ZDHHC15: variants seen among roughly 807,000 people sequenced by gnomAD.
ZDHHC15 encodes zDHHC palmitoyltransferase 15.
A neutral mutation model predicts 31.7 loss-of-function variants in ZDHHC15; 19 were observed. That is an observed-to-expected ratio of 0.60 (90% CI 0.42 to 0.88). ZDHHC15 has a LOEUF of 0.88. Among genes scored for constraint, ZDHHC15 ranks in the 40% least tolerant of loss-of-function variants. The pLI is 0.00. For missense variants in ZDHHC15, 209 were observed against 251.2 expected, an observed-to-expected ratio of 0.83 and a Z score of 1.14; for synonymous variants, 103 against 90.0, an observed-to-expected ratio of 1.14 and a Z score of -0.82.
chrX:75,504,403 G>A (rs759781142), intron 2 of ZDHHC15, among the ~76,000 whole-genome samples: 7 of 111,643 alleles, frequency 6.3e-5, no homozygotes, highest in Non-Finnish European at 9.4e-5. Context: ...ACATAGAATT[G>A]TGAAAATATA....
chrX:75,493,572 A>G (rs2084936978), intron 2 of ZDHHC15, among the ~76,000 whole-genome samples: 1 of 111,896 alleles, frequency 8.9e-6, no homozygotes, highest in South Asian at 3.7e-4. Context: ...CACATCAAAA[A>G]GCTTATCCAC....
chrX:75,424,881 G>A (rs1435504325), intron 7 of ZDHHC15, 97 bp from the exon 8 acceptor site: 5 of 891,691 alleles, frequency 5.6e-6, no homozygotes, highest in Non-Finnish European at 7.4e-6. Flanking sequence ...TGTATAAAGT[G>A]TCTAGCTGTA....
chrX:75,424,058 A>G (rs2147851535), intron 8 of ZDHHC15, among the ~76,000 whole-genome samples: 1 of 111,625 alleles, frequency 9.0e-6, no homozygotes, highest in South Asian at 3.8e-4. Flanking sequence ...TAACTGACAG[A>G]AAATATGTTC....
At position 75,450,710 on chromosome X, in the gene ZDHHC15, GA is replaced by G. The variant is rs755225120; in HGVS notation, c.379+91del. ...CATAGTGGTTTTCAGAAGATGGGAG[GA>G]AAAAAAAGGGCTAGTTTGAGAACAT... is the stretch of plus-strand genomic sequence containing the variant. On this transcript the variant is annotated intron_variant, in intron 4 of 11. Transcript: ENST00000373367. The G allele has an allele frequency of 1.7e-5, 20 of 1,199,750 alleles. No homozygotes were observed. The South Asian group carries it at 2.0e-4, about 12-fold the overall frequency.
chrX:75,423,054 C>T lies in ZDHHC15; in HGVS notation c.737-1064G>A, dbSNP rs746032342. On this transcript the variant is annotated intron_variant, in intron 8 of 11. Transcript: ENST00000373367. ...TAGATACAGGGTCTTATTCTGTCAC[C>T]CAGGCTGGAGTACAGTGGCACAATC... Among the ~76,000 whole-genome samples the T allele has an allele frequency of 6.9e-5, 7 of 101,762 alleles. No homozygotes were observed. The East Asian group carries it at 2.3e-3, about 33-fold the overall frequency. 88.4% of individuals were successfully genotyped at this position (101,762 alleles called of 115,157 possible). A position where few individuals can be genotyped will look rare whatever the true frequency, so the allele number is the denominator to read the frequency against.
In ZDHHC15 at chrX:75,465,953, T is replaced by C. The variant is rs754539268; in HGVS notation, c.258+12938A>G. Among the ~76,000 whole-genome samples, 21 of 111,806 alleles carry C rather than the reference T, an allele frequency of 1.9e-4. No homozygotes were observed. The South Asian group carries it at 7.5e-3, about 40-fold the overall frequency. On this transcript the variant is annotated intron_variant, in intron 3 of 11. Coordinates refer to ENST00000373367, the MANE Select transcript of ZDHHC15 (RefSeq NM_144969.3). ...CAAAAGAAAAAATTGACAAATGGGA[T>C]GTAATTAAAGAGTTCCTGCACAGCA...
intron 4 of ZDHHC15, among the ~76,000 whole-genome samples, chrX:75,447,628 T>A (rs887037876): frequency 1.8e-5 from 2 of 111,692 alleles, no homozygotes; most frequent in African/African-American, 3.3e-5. Context: ...TGATGCTGAT[T>A]CTCTGATAGT....
At chrX:75,515,141 G>C (rs781450218) in intron 1 of ZDHHC15, among the ~76,000 whole-genome samples, 1 of 111,215 alleles carries the variant, frequency 9.0e-6, no homozygotes, top group South Asian at 3.9e-4. Context: ...AATTCTACCA[G>C]AGGTACAAAG....
chrX:75,381,916 C>A (rs982477672), intron 10 of ZDHHC15, among the ~76,000 whole-genome samples: 5 of 111,776 alleles, frequency 4.5e-5, no homozygotes, highest in African/African-American at 1.6e-4. Flanking sequence ...TTATGTTTCT[C>A]ATTCCAATAA....
chrX:75,453,376 G>A (rs1006115571), intron 3 of ZDHHC15, among the ~76,000 whole-genome samples: 2 of 111,246 alleles, frequency 1.8e-5, no homozygotes, highest in African/African-American at 6.5e-5. Flanking sequence ...AATAACAGGA[G>A]CTGAAATTGA....
rs1482712010 is a variant in ZDHHC15 at position 75,456,108 on chromosome X, G to A, written c.259-5186C>T. Reference sequence around the variant, plus strand: ...GCAAAGACTTGGAACCAACCCAAATGTCCATCAATGATAGACTGGATTAAG... The same window carrying A: ...GCAAAGACTTGGAACCAACCCAAATATCCATCAATGATAGACTGGATTAAG... On this transcript the variant is annotated intron_variant, in intron 3 of 11. Transcript: ENST00000373367. Among the ~76,000 whole-genome samples the A allele has an allele frequency of 4.5e-5, 5 of 111,634 alleles. No homozygotes were observed. In the East Asian group the frequency reaches 1.4e-3, roughly 31 times the overall value.
At chrX:75,478,060 C>G (rs2084634063) in intron 3 of ZDHHC15, among the ~76,000 whole-genome samples, 1 of 111,516 alleles carries the variant, frequency 9.0e-6, no homozygotes, top group Non-Finnish European at 1.9e-5. Flanking sequence ...TGTTCTTTTA[C>G]TACTTTGGAA....
rs765874838 is a variant in ZDHHC15, at chrX:75,522,937, G to A, written c.88C>T (p.Leu30Phe). 7 of 1,210,030 alleles carry A rather than the reference G, an allele frequency of 5.8e-6. No homozygotes were observed. The East Asian group carries it at 1.5e-4, about 26-fold the overall frequency. The change falls in exon 1 of 12, where the codon CTC becomes TTC. Residue 30 changes from leucine (L) to phenylalanine (F), a missense_variant. Coordinates refer to ENST00000373367, the MANE Select transcript of ZDHHC15 (RefSeq NM_144969.3). ...GCATAGTAGGACCAGAGCACGACGA[G>A]GACAATAACGAGCACTGGCACCCAG... ...LSWVPVLVIV[L>F]VVLWSYYAYV...
rs186864190 is a variant in ZDHHC15 at position 75,406,327 on chromosome X, A to G, written c.967+10760T>C. On this transcript the variant is annotated intron_variant, in intron 10 of 11. Transcript: ENST00000373367. ...AATGAACCAAACACCAAATTAGTAG[A>G]AGGAAAGAAATAATAAATATCAGAT... is the stretch of plus-strand genomic sequence containing the variant. Among the ~76,000 whole-genome samples, 873 of 111,532 alleles carry G rather than the reference A, an allele frequency of 7.8e-3. 9 individuals carry two copies. Among genetic ancestry groups the G allele is most frequent in the African/African-American group, 0.026 (801 of 30,702 alleles).
chrX:75,498,658 C>G (rs1161866720), intron 2 of ZDHHC15, among the ~76,000 whole-genome samples: 1 of 111,863 alleles, frequency 8.9e-6, no homozygotes, highest in Non-Finnish European at 1.9e-5. Flanking sequence ...AGTAGAAACA[C>G]ATCCCATGCT....
chrX:75,394,274 G>A (rs757840466), intron 10 of ZDHHC15, among the ~76,000 whole-genome samples: 4 of 110,055 alleles, frequency 3.6e-5, no homozygotes, highest in Non-Finnish European at 7.6e-5. Context: ...AAGACAGGAA[G>A]GACAAAAAAC....
chrX:75,393,462 T>C (rs1358727509), intron 10 of ZDHHC15, among the ~76,000 whole-genome samples: 1 of 111,349 alleles, frequency 9.0e-6, no homozygotes, highest in East Asian at 2.8e-4. Context: ...GTTCTCCACA[T>C]AAGGTCAAAA....
chrX:75,390,493 C>A (rs1374625942), intron 10 of ZDHHC15, among the ~76,000 whole-genome samples: 2 of 111,663 alleles, frequency 1.8e-5, no homozygotes, highest in African/African-American at 3.3e-5. Flanking sequence ...TAGCTCCAGG[C>A]AGCTCAGCAC....
At chrX:75,498,223 G>A (rs1349292989) in intron 2 of ZDHHC15, among the ~76,000 whole-genome samples, 4 of 110,827 alleles carry the variant, frequency 3.6e-5, no homozygotes, top group Non-Finnish European at 5.7e-5. Context: ...GTGAGCCACC[G>A]TGCCTGGCCA....
Sources: allele counts gnomAD v4.1 joint callset (sites outside exome capture counted in the v4.1 genomes callset), GRCh38; gene constraint gnomAD v4.1.1; transcripts MANE v1.5; gene names NCBI Gene and HGNC (gene_info 2026-07-23, HGNC 2026-07-21).